The following PTTG1IP variants were observed in gnomAD, a reference collection of about 807,000 sequenced individuals.
PTTG1IP encodes PTTG1 interacting protein, also known as pituitary tumor-transforming gene 1 protein-interacting protein.
PTTG1IP carries 16 observed loss-of-function variants against 24.4 expected under a neutral mutation model. That is an observed-to-expected ratio of 0.66 (90% CI 0.44 to 1.00). The LOEUF (loss-of-function observed/expected upper bound fraction) is 1.00. Ranked by LOEUF, PTTG1IP falls within the 50% of genes least tolerant of loss-of-function variation. The pLI is 0.00. For synonymous variants in PTTG1IP, 89 were observed against 96.8 expected (o/e 0.92, Z 0.47); for missense variants, 241 against 245.8 (o/e 0.98, Z 0.13).
chr21:44,864,293 A>AAG (rs1270946410), intron 2 of PTTG1IP, among the ~76,000 whole-genome samples: 20 of 152,260 alleles, frequency 1.3e-4, no homozygotes, highest in Admixed American at 1.3e-3. Flanking sequence ...CTGCCGAACC[A>AAG]AGAGCTGCGT....
At chr21:44,862,514 C>T (rs537476477) in intron 2 of PTTG1IP, among the ~76,000 whole-genome samples, 3 of 152,026 alleles carry the variant, frequency 2.0e-5, no homozygotes, top group Non-Finnish European at 4.4e-5. Context: ...AGTGAAACTC[C>T]GTCTCAAAAG....
At position 44,851,414 on chromosome 21, in the gene PTTG1IP, C is replaced by A. The variant is rs752718400; in HGVS notation, c.*167G>T. The A allele has an allele frequency of 1.3e-6, 2 of 1,579,034 alleles. No homozygotes were observed. Among genetic ancestry groups the A allele is most frequent in the Non-Finnish European group, 8.6e-7 (1 of 1,166,366 alleles). ...AATAGAAGGTCACCAGTCTGCAAGA[C>A]GAGAGGACTGTCCTTCAGGGGCAGC... On this transcript the variant is annotated 3_prime_UTR_variant, in exon 6 of 6. Coordinates refer to ENST00000330938, the MANE Select transcript of PTTG1IP (RefSeq NM_004339.4).
intron 1 of PTTG1IP, among the ~76,000 whole-genome samples, chr21:44,870,298 T>C (rs985944097): frequency 6.6e-6 from 1 of 152,120 alleles, no homozygotes; most frequent in Admixed American, 6.5e-5. Flanking sequence ...CCCAAAACTT[T>C]GGGAGGCCGA....
rs571165438 is a variant in PTTG1IP at position 44,853,732 on chromosome 21, A to C, written c.496+1478T>G. 4.1e-4 allele frequency among the ~76,000 whole-genome samples: 62 copies of C among 152,262 alleles called. 1 individual carries two copies. In the South Asian group the frequency reaches 0.012, roughly 30 times the overall value. ...CTCCAGACACACACCGGGAAACAAC[A>C]GGCGACAGAGAGGGTGGGGCAAGGA... On this transcript the variant is annotated intron_variant, in intron 5 of 5. Coordinates refer to ENST00000330938, the MANE Select transcript of PTTG1IP (RefSeq NM_004339.4).
chr21:44,862,713 T>C (rs2083501390), intron 2 of PTTG1IP, among the ~76,000 whole-genome samples: 1 of 152,198 alleles, frequency 6.6e-6, no homozygotes, highest in African/African-American at 2.4e-5. Context: ...TTAATTACAA[T>C]GTCCCCTGGG....
At chr21:44,873,427 C>T (rs2083606857) in intron 1 of PTTG1IP, 75 bp downstream of exon 1, 1 of 1,217,894 alleles carries the variant, frequency 8.2e-7, no homozygotes, top group Non-Finnish European at 1.0e-6. Context: ...TGGCCGAAAC[C>T]CCGACCCCGA....
rs775551316 is a variant in PTTG1IP at position 44,856,326 on chromosome 21, C to T, written c.316G>A (p.Gly106Arg). The T allele has an allele frequency of 4.3e-6, 7 of 1,614,084 alleles. No individual in the cohort carries two copies. The highest frequency in any genetic ancestry group is 5.1e-6 in the Non-Finnish European group (6 of 1,179,970). Residue 106 changes from glycine to arginine, a missense_variant, in exon 4 of 6, where the codon GGG becomes AGG. Physicochemically the swap from Gly to Arg is moderately radical, Grantham distance 125. Transcript: ENST00000330938. ...EALIITMSVV[G>R]GTLLLGIAIC... The stretch of plus-strand genomic sequence containing the variant: ...GCAATGCCCAGGAGGAGGGTTCCCC[C>T]GACTACCGACATGGTGATGATCAGC...
intron 3 of PTTG1IP, among the ~76,000 whole-genome samples, chr21:44,859,388 C>G (rs191903766): frequency 4.6e-5 from 7 of 151,814 alleles, no homozygotes; most frequent in East Asian, 1.9e-4. Flanking sequence ...AATATATGTA[C>G]GCACACACGT....
At chr21:44,860,082 T>C (rs1339396463) in intron 3 of PTTG1IP, among the ~76,000 whole-genome samples, 1 of 152,138 alleles carries the variant, frequency 6.6e-6, no homozygotes, top group African/African-American at 2.4e-5. Flanking sequence ...AAAGGCAAAC[T>C]ACGGGGCTGG....
At position 44,851,329 on chromosome 21, in the gene PTTG1IP, C is replaced by A; in HGVS notation, c.*252G>T. On this transcript the variant is annotated 3_prime_UTR_variant, in exon 6 of 6. Transcript: ENST00000330938. ...ACAAACTGAGAAGAGTATAAAAAAG[C>A]CCAAACCCCAAAGATTTCTTATTTC... 1.3e-6 allele frequency: 2 copies of A among 1,494,884 alleles called. No individual in the cohort carries two copies. Among genetic ancestry groups the A allele is most frequent in the South Asian group, 2.5e-5 (2 of 81,154 alleles). The allele number at this position is 1,494,884 out of a possible 1,614,324, so 92.6% of individuals were successfully genotyped here. A position where few individuals can be genotyped will look rare whatever the true frequency, so the allele number is the denominator to read the frequency against.
chr21:44,853,582 C>T (rs1381629265), intron 5 of PTTG1IP, among the ~76,000 whole-genome samples: 1 of 152,100 alleles, frequency 6.6e-6, no homozygotes, highest in Non-Finnish European at 1.5e-5. Flanking sequence ...ACAATGCCTC[C>T]AGCCAAGGCC....
intron 3 of PTTG1IP, among the ~76,000 whole-genome samples, chr21:44,860,293 T>C (rs1464458096): frequency 6.6e-6 from 1 of 152,076 alleles, no homozygotes; most frequent in African/African-American, 2.4e-5. Context: ...GGCGTGAACC[T>C]GGGAGGCGGA....
intron 1 of PTTG1IP, among the ~76,000 whole-genome samples, chr21:44,867,509 C>G (rs1465208807): frequency 6.6e-6 from 1 of 152,184 alleles, no homozygotes; most frequent in Non-Finnish European, 1.5e-5. Flanking sequence ...ACTCACTGAA[C>G]AGCACAATTA....
intron 2 of PTTG1IP, among the ~76,000 whole-genome samples, chr21:44,862,259 G>A (rs958998283): frequency 6.6e-6 from 1 of 152,258 alleles, no homozygotes; most frequent in East Asian, 1.9e-4. Context: ...GGTGGCTCAC[G>A]CCTGTAATCC....
At chr21:44,863,503 G>T (rs1412150039) in intron 2 of PTTG1IP, among the ~76,000 whole-genome samples, 1 of 152,202 alleles carries the variant, frequency 6.6e-6, no homozygotes, top group Non-Finnish European at 1.5e-5. Flanking sequence ...CAGCCCTTCT[G>T]GACTGGCCCC....
chr21:44,863,458 C>T (rs970174136), intron 2 of PTTG1IP, among the ~76,000 whole-genome samples: 7 of 152,216 alleles, frequency 4.6e-5, no homozygotes, highest in South Asian at 2.1e-4. Flanking sequence ...CCCTCTTCAC[C>T]GCCCTGTCTG....
At chr21:44,851,881 G>A (rs183906256) in intron 5 of PTTG1IP, among the ~76,000 whole-genome samples, 7 of 152,246 alleles carry the variant, frequency 4.6e-5, no homozygotes, top group South Asian at 2.1e-4. Flanking sequence ...CCTGATGCTC[G>A]GCGAAGAAAA....
chr21:44,856,909 C>T (rs1325362978), intron 3 of PTTG1IP, among the ~76,000 whole-genome samples: 8 of 152,088 alleles, frequency 5.3e-5, no homozygotes, highest in Admixed American at 2.0e-4. Context: ...GACGAGACCA[C>T]GGAACAAGAC....
At chr21:44,855,363 T>A in intron 4 of PTTG1IP, 107 bp from the exon 5 acceptor site, 1 of 1,221,920 alleles carries the variant, frequency 8.2e-7, no homozygotes, top group Non-Finnish European at 1.2e-6. Flanking sequence ...TTTCTTCTGG[T>A]GGCTTCCCTC....
Sources: allele counts gnomAD v4.1 joint callset (sites outside exome capture counted in the v4.1 genomes callset), GRCh38; gene constraint gnomAD v4.1.1; transcripts MANE v1.5; gene names NCBI Gene and HGNC (gene_info 2026-07-23, HGNC 2026-07-21).